The following PABPC4L variants were observed in gnomAD, a reference collection of about 807,000 sequenced individuals.
PABPC4L encodes the protein poly(A) binding protein cytoplasmic 4 like.
For missense variants in PABPC4L, 452 were observed against 451.4 expected (o/e 1.00, Z -0.01); for synonymous variants, 169 against 164.1 (o/e 1.03, Z -0.23).
the PABPC4L span, among the ~76,000 whole-genome samples, chr4:133,970,699 G>A: frequency 1.3e-5 from 2 of 152,124 alleles, no homozygotes; most frequent in Admixed American, 1.3e-4. Flanking sequence ...CAAGGTGGTA[G>A]TATTAGGAGG....
chr4:134,049,203 A>G, the PABPC4L span, among the ~76,000 whole-genome samples: 2 of 152,086 alleles, frequency 1.3e-5, no homozygotes, highest in African/African-American at 4.8e-5. Context: ...TATTTTTGTC[A>G]TCAAATTTAT....
the PABPC4L span, among the ~76,000 whole-genome samples, chr4:133,950,821 TTACCTCTGC>T: frequency 1.3e-5 from 2 of 152,194 alleles, no homozygotes. Flanking sequence ...ATGAACTGTG[TTACCTCTGC>T]TGGAAGCAAG....
At chr4:134,151,937 T>C in the PABPC4L span, among the ~76,000 whole-genome samples, 8 of 151,524 alleles carry the variant, frequency 5.3e-5, no homozygotes, top group African/African-American at 1.9e-4. Context: ...TTGCAAAAAA[T>C]AATGTAACAT....
chr4:134,128,313 C>T, the PABPC4L span, among the ~76,000 whole-genome samples: 2 of 152,118 alleles, frequency 1.3e-5, no homozygotes, highest in Non-Finnish European at 2.9e-5. Context: ...GCTCAAATAA[C>T]ACATTGGAAA....
chr4:134,128,926 G>GTGACTCACC, the PABPC4L span, among the ~76,000 whole-genome samples: 1 of 152,046 alleles, frequency 6.6e-6, no homozygotes, highest in African/African-American at 2.4e-5. Context: ...CTGTCTTCAA[G>GTGACTCACC]TGACTCACCT....
At chr4:134,031,311 C>T in the PABPC4L span, among the ~76,000 whole-genome samples, 1 of 151,792 alleles carries the variant, frequency 6.6e-6, no homozygotes, top group African/African-American at 2.4e-5. Context: ...TTTTTAGTAG[C>T]ATCATTGCCA....
chr4:134,183,101 T>C, the PABPC4L span, among the ~76,000 whole-genome samples: 2 of 151,928 alleles, frequency 1.3e-5, no homozygotes, highest in Non-Finnish European at 2.9e-5. Flanking sequence ...AATCCCATTA[T>C]TGGGTATATA....
the PABPC4L span, among the ~76,000 whole-genome samples, chr4:134,097,720 C>G: frequency 6.6e-6 from 1 of 151,906 alleles, no homozygotes; most frequent in Non-Finnish European, 1.5e-5. Context: ...CGACTCGACT[C>G]TAACAAAACT....
At chr4:134,065,135 G>A in the PABPC4L span, among the ~76,000 whole-genome samples, 1 of 151,944 alleles carries the variant, frequency 6.6e-6, no homozygotes, top group Non-Finnish European at 1.5e-5. Flanking sequence ...TGGCTCAAAT[G>A]GTAATTCTGT....
the PABPC4L span, among the ~76,000 whole-genome samples, chr4:134,052,023 A>C: frequency 6.6e-6 from 1 of 152,084 alleles, no homozygotes; most frequent in African/African-American, 2.4e-5. Context: ...AAAAAACAAT[A>C]ATACAATCAT....
At chr4:134,142,206 T>C in the PABPC4L span, among the ~76,000 whole-genome samples, 3 of 151,710 alleles carry the variant, frequency 2.0e-5, no homozygotes, top group East Asian at 1.9e-4. Context: ...AGATCATTGA[T>C]TTAAAAAACA....
At chr4:133,986,352 G>C in the PABPC4L span, among the ~76,000 whole-genome samples, 1 of 151,464 alleles carries the variant, frequency 6.6e-6, no homozygotes, top group East Asian at 1.9e-4. Context: ...AATAAAATAC[G>C]AGATATATAA....
chr4:133,986,768 C>G, the PABPC4L span, among the ~76,000 whole-genome samples: 230 of 149,136 alleles, frequency 1.5e-3, 2 homozygotes, highest in Admixed American at 3.0e-3. Context: ...GGGAGTCTTA[C>G]TCTGTCACCC....
chr4:133,951,445 G>A, the PABPC4L span, among the ~76,000 whole-genome samples: 37 of 151,956 alleles, frequency 2.4e-4, no homozygotes, highest in African/African-American at 2.4e-4. Flanking sequence ...AACCTGATGC[G>A]GGGTGCTCAC....
chr4:134,176,707 G>A, the PABPC4L span, among the ~76,000 whole-genome samples: 1 of 152,008 alleles, frequency 6.6e-6, no homozygotes, highest in African/African-American at 2.4e-5. Flanking sequence ...GAGAAAAGCT[G>A]GGTGCTAGCA....
the PABPC4L span, among the ~76,000 whole-genome samples, chr4:134,006,706 G>T: frequency 0.096 from 14,513 of 151,800 alleles, 758 homozygotes; most frequent in South Asian, 0.13. Context: ...TTATATTTAC[G>T]AGTCTATTTT....
At chr4:134,131,322 A>G in the PABPC4L span, among the ~76,000 whole-genome samples, 2 of 152,066 alleles carry the variant, frequency 1.3e-5, no homozygotes, top group Admixed American at 6.6e-5. Context: ...AATCTCCTAG[A>G]TATAGTAAGT....
At chr4:134,136,829 T>A in the PABPC4L span, among the ~76,000 whole-genome samples, 1 of 152,078 alleles carries the variant, frequency 6.6e-6, no homozygotes, top group Non-Finnish European at 1.5e-5. Flanking sequence ...TGTCTGACAC[T>A]GAAATTTGCT....
the PABPC4L span, among the ~76,000 whole-genome samples, chr4:134,164,839 A>C: frequency 6.6e-6 from 1 of 152,194 alleles, no homozygotes. Context: ...AAAAGTAATA[A>C]ATCTGGAAGC....
Sources: allele counts gnomAD v4.1 joint callset (sites outside exome capture counted in the v4.1 genomes callset), GRCh38; gene constraint gnomAD v4.1.1; transcripts MANE v1.5; gene names NCBI Gene and HGNC (gene_info 2026-07-23, HGNC 2026-07-21).